LRP1B: variants seen among roughly 807,000 people sequenced by gnomAD.
LRP1B encodes LDL receptor related protein 1B, also known as low-density lipoprotein receptor-related protein 1B.
A neutral mutation model predicts 556.6 loss-of-function variants in LRP1B; 217 were observed. The observed-to-expected ratio is 0.39, with a 90% CI of 0.35 to 0.44. LRP1B has a LOEUF of 0.44. LRP1B is among the 20% of genes least tolerant of loss of function. The pLI is 1.00. For synonymous variants in LRP1B, 2,047 were observed against 1,865.8 expected (o/e 1.10, Z -2.50); for missense variants, 5,053 against 5,620.8 (o/e 0.90, Z 3.23).
chr2:140,623,079 C>A (rs10177027), intron 41 of LRP1B, among the ~76,000 whole-genome samples: 34,780 of 152,000 alleles, frequency 0.23, 4,305 homozygotes, highest in Admixed American at 0.3. Context: ...GGAAAGAAGG[C>A]ATTGTATGCA....
intron 3 of LRP1B, among the ~76,000 whole-genome samples, chr2:141,382,893 G>T (rs888148676): frequency 2.6e-5 from 4 of 152,100 alleles, no homozygotes; most frequent in South Asian, 2.1e-4. Flanking sequence ...AAACTAAAAA[G>T]CTTTTTGCCT....
In LRP1B at chr2:140,526,002, A is replaced by G. The variant is rs1690415325; in HGVS notation, c.7877-9T>C. 1.2e-6 allele frequency: 2 copies of G among 1,610,616 alleles called. No homozygotes were observed. Among genetic ancestry groups the G allele is most frequent in the Non-Finnish European group, 1.7e-6 (2 of 1,178,350 alleles). On this transcript the variant is annotated splice_polypyrimidine_tract_variant and intron_variant, in intron 48 of 90. Coordinates refer to ENST00000389484, the MANE Select transcript of LRP1B (RefSeq NM_018557.3). ...TGTGCAGTCTGTGTTATCTAGAAGA[A>G]GGTAAACAAAAAATGAAAAAGTACC...
At chr2:141,440,096 A>G (rs1175217384) in intron 3 of LRP1B, among the ~76,000 whole-genome samples, 1 of 152,162 alleles carries the variant, frequency 6.6e-6, no homozygotes, top group Admixed American at 6.5e-5. Context: ...AGATCGTATC[A>G]CGTATATTAT....
chr2:141,191,177 A>G (rs1681488580), intron 6 of LRP1B, among the ~76,000 whole-genome samples: 1 of 151,940 alleles, frequency 6.6e-6, no homozygotes, highest in South Asian at 2.1e-4. Flanking sequence ...AGGCTCAACC[A>G]TCTCTTTGGG....
intron 3 of LRP1B, among the ~76,000 whole-genome samples, chr2:141,340,067 T>C (rs1326553025): frequency 6.6e-6 from 1 of 152,212 alleles, no homozygotes; most frequent in African/African-American, 2.4e-5. Flanking sequence ...AATATAAAGC[T>C]TCTCACACCT....
chr2:140,933,559 G>A (rs189487805), intron 20 of LRP1B, among the ~76,000 whole-genome samples: 2 of 152,114 alleles, frequency 1.3e-5, no homozygotes, highest in East Asian at 1.9e-4. Flanking sequence ...TAAAAAAGCA[G>A]GACAACAGGG....
chr2:141,241,507 C>A (rs998198185), intron 5 of LRP1B, among the ~76,000 whole-genome samples: 5 of 152,060 alleles, frequency 3.3e-5, no homozygotes, highest in African/African-American at 1.2e-4. Flanking sequence ...GATGCCAATA[C>A]TATACCAAAG....
chr2:141,385,334 A>G (rs886722599), intron 3 of LRP1B, among the ~76,000 whole-genome samples: 2 of 152,166 alleles, frequency 1.3e-5, no homozygotes, highest in East Asian at 1.9e-4. Context: ...CTAAAAATCT[A>G]AAATCTGCAA....
intron 7 of LRP1B, among the ~76,000 whole-genome samples, chr2:141,075,844 AAC>A (rs1257714472): frequency 6.6e-6 from 1 of 152,190 alleles, no homozygotes. Context: ...AATGGAGGAA[AAC>A]AGTGTTGAAA....
chr2:140,941,787 A>G (rs1695410660), intron 20 of LRP1B, among the ~76,000 whole-genome samples: 1 of 152,180 alleles, frequency 6.6e-6, no homozygotes, highest in Admixed American at 6.6e-5. Context: ...AAAACAAAGA[A>G]GTCCCATCCA....
At position 141,285,120 on chromosome 2, in the gene LRP1B, C is replaced by T. The variant is rs143121062; in HGVS notation, c.344-30479G>A. Among the ~76,000 whole-genome samples, 716 of 140,260 alleles carry T rather than the reference C, an allele frequency of 5.1e-3. 5 individuals are homozygous for T. Among genetic ancestry groups the T allele is most frequent in the African/African-American group, 0.018 (674 of 37,348 alleles). 92.0% of individuals were successfully genotyped at this position (140,260 alleles called of 152,430 possible). The stretch of plus-strand genomic sequence containing the variant: ...TTCATTTTTTTTTTTTTTTTTGAGA[C>T]GGAGTCTTGCACTGTCGCCCAGACT... On this transcript the variant is annotated intron_variant, in intron 3 of 90. Coordinates refer to ENST00000389484, the MANE Select transcript of LRP1B (RefSeq NM_018557.3).
chr2:140,250,193 T>C (rs1228911768), intron 86 of LRP1B, among the ~76,000 whole-genome samples: 2 of 151,832 alleles, frequency 1.3e-5, no homozygotes, highest in Non-Finnish European at 2.9e-5. Context: ...TCTGTATCAT[T>C]CATGTTAAAA....
intron 3 of LRP1B, among the ~76,000 whole-genome samples, chr2:141,376,949 C>T (rs1004147317): frequency 6.6e-6 from 1 of 151,942 alleles, no homozygotes; most frequent in Non-Finnish European, 1.5e-5. Context: ...AATAAAGTAC[C>T]TCAACCGCTT....
chr2:140,879,959 A>T (rs969234493), intron 25 of LRP1B, among the ~76,000 whole-genome samples: 23 of 152,016 alleles, frequency 1.5e-4, no homozygotes, highest in Admixed American at 1.4e-3. Flanking sequence ...TTAAAAAAAA[A>T]AAAAAGAGGT....
chr2:141,176,043 G>C (rs777367481), intron 7 of LRP1B, among the ~76,000 whole-genome samples: 8 of 152,092 alleles, frequency 5.3e-5, no homozygotes, highest in Non-Finnish European at 7.4e-5. Context: ...CTTTTGGAGT[G>C]GTGGCATTTA....
chr2:140,716,142 G>A (rs74810841), intron 36 of LRP1B, 40 bp from the exon 37 acceptor site: 4 of 1,378,650 alleles, frequency 2.9e-6, no homozygotes, highest in Admixed American at 4.5e-5. Flanking sequence ...ACAGTTTTGA[G>A]AAAAAAAATG....
At chr2:141,529,508 C>T (rs930778844) in intron 2 of LRP1B, among the ~76,000 whole-genome samples, 4 of 152,104 alleles carry the variant, frequency 2.6e-5, no homozygotes, top group Non-Finnish European at 4.4e-5. Context: ...ACATATATAT[C>T]TTTAGGATTC....
intron 1 of LRP1B, among the ~76,000 whole-genome samples, chr2:142,051,600 C>T (rs1445338827): frequency 6.6e-6 from 1 of 151,914 alleles, no homozygotes; most frequent in Non-Finnish European, 1.5e-5. Flanking sequence ...CCTCAGCCTC[C>T]CTAGTAGCTG....
intron 49 of LRP1B, among the ~76,000 whole-genome samples, chr2:140,521,601 A>G (rs1008919460): frequency 6.6e-6 from 1 of 152,052 alleles, no homozygotes; most frequent in African/African-American, 2.4e-5. Context: ...CACACAGCCC[A>G]TGAACCCTAC....
Sources: gnomAD v4.1 joint callset for allele counts (sites outside exome capture counted in the v4.1 genomes callset) on GRCh38, gnomAD v4.1.1 for gene constraint, MANE v1.5 for transcripts, NCBI Gene and HGNC (gene_info 2026-07-23, HGNC 2026-07-21) for gene names.